Variants in ADCY8 observed in about 807,000 individuals in gnomAD.
The protein encoded by ADCY8 is adenylate cyclase 8.
Under a neutral mutation model 119.7 loss-of-function variants are expected in ADCY8, and 51 were observed. That is an observed-to-expected ratio of 0.43 (90% CI 0.34 to 0.54). The LOEUF (loss-of-function observed/expected upper bound fraction) is 0.54. Among genes scored for constraint, ADCY8 ranks in the 20% least tolerant of loss-of-function variants. The pLI is 0.03. For missense variants in ADCY8, 1,383 were observed against 1,598.8 expected (o/e 0.87, Z 2.30); for synonymous variants, 665 against 651.0 (o/e 1.02, Z -0.33).
At chr8:130,943,241 T>C (rs1821009306) in intron 4 of ADCY8, 110 bp downstream of exon 4, 6 of 743,776 alleles carry the variant, frequency 8.1e-6, no homozygotes, top group Non-Finnish European at 1.4e-5. Flanking sequence ...AGGGACAGGA[T>C]GCAGAATGGT....
chr8:130,907,028 C>G (rs1819810586), intron 6 of ADCY8, among the ~76,000 whole-genome samples: 2 of 151,992 alleles, frequency 1.3e-5, no homozygotes, highest in Admixed American at 1.3e-4. Flanking sequence ...CTCTCTACCA[C>G]CCTGGAACTG....
At chr8:130,856,808 G>A (rs1201388734) in intron 9 of ADCY8, among the ~76,000 whole-genome samples, 2 of 151,832 alleles carry the variant, frequency 1.3e-5, no homozygotes, top group African/African-American at 4.8e-5. Flanking sequence ...CAGGAGGGCA[G>A]GGATTTTGTT....
Position 130,836,461 on chromosome 8 carries a change from G to A in ADCY8, c.2503-12C>T. 1 of 1,611,370 alleles carries A rather than the reference G, an allele frequency of 6.2e-7. No individual in the cohort carries two copies. Among genetic ancestry groups the A allele is most frequent in the Non-Finnish European group, 8.5e-7 (1 of 1,178,686 alleles). On this transcript the variant is annotated splice_polypyrimidine_tract_variant and intron_variant, in intron 11 of 17. Coordinates refer to ENST00000286355, the MANE Select transcript of ADCY8 (RefSeq NM_001115.3). ...GTGAAGACAAAGTACTGGAAACAGA[G>A]AATGCAGGTGGTCAGATTCAATGGG...
chr8:130,882,769 A>G (rs750504646), intron 8 of ADCY8, among the ~76,000 whole-genome samples: 29 of 152,192 alleles, frequency 1.9e-4, no homozygotes, highest in Non-Finnish European at 3.8e-4. Flanking sequence ...TAAATACCCA[A>G]TGAATGTTAC....
chr8:131,036,737 T>C (rs1344034661), intron 1 of ADCY8, among the ~76,000 whole-genome samples: 1 of 152,194 alleles, frequency 6.6e-6, no homozygotes, highest in Non-Finnish European at 1.5e-5. Flanking sequence ...TTGGGAAAAG[T>C]TGCTCTAGGT....
chr8:130,928,270 C>G (rs568627696), intron 5 of ADCY8, among the ~76,000 whole-genome samples: 1 of 152,206 alleles, frequency 6.6e-6, no homozygotes, highest in South Asian at 2.1e-4. Context: ...TGAGATCTTT[C>G]TATTATTGCT....
chr8:130,848,766 G>T (rs567728528), intron 10 of ADCY8, among the ~76,000 whole-genome samples: 49 of 152,246 alleles, frequency 3.2e-4, no homozygotes, highest in African/African-American at 1.1e-3. Flanking sequence ...CTGAGTCATG[G>T]ACAACACAGA....
At chr8:130,895,464 G>C (rs1819354616) in intron 7 of ADCY8, among the ~76,000 whole-genome samples, 1 of 152,106 alleles carries the variant, frequency 6.6e-6, no homozygotes, top group African/African-American at 2.4e-5. Flanking sequence ...TCAGAGAAAG[G>C]AAGGATGATG....
chr8:130,937,920 C>T (rs1434731203), intron 4 of ADCY8, among the ~76,000 whole-genome samples: 2 of 152,126 alleles, frequency 1.3e-5, no homozygotes, highest in African/African-American at 2.4e-5. Context: ...CTCCATTTCA[C>T]CGGTGAGAAG....
intron 3 of ADCY8, among the ~76,000 whole-genome samples, chr8:130,951,140 A>G (rs1240540195): frequency 1.4e-5 from 2 of 147,440 alleles, no homozygotes; most frequent in Non-Finnish European, 3.0e-5. Flanking sequence ...ATTCACTTAT[A>G]TGATCCACAT....
intron 3 of ADCY8, among the ~76,000 whole-genome samples, chr8:130,947,582 T>C (rs1169998188): frequency 6.6e-6 from 1 of 152,202 alleles, no homozygotes; most frequent in Non-Finnish European, 1.5e-5. Flanking sequence ...AGGACAGATG[T>C]AGTGATCACA....
chr8:130,845,653 A>T (rs574511083), intron 11 of ADCY8, among the ~76,000 whole-genome samples: 1 of 152,268 alleles, frequency 6.6e-6, no homozygotes, highest in South Asian at 2.1e-4. Context: ...GACTCCACTC[A>T]TTCCTAGGTA....
At chr8:130,893,256 T>C (rs958240620) in intron 7 of ADCY8, among the ~76,000 whole-genome samples, 2 of 152,130 alleles carry the variant, frequency 1.3e-5, no homozygotes, top group East Asian at 1.9e-4. Context: ...GGAACAGATA[T>C]GCAAACTCCA....
rs527255410 is a variant in ADCY8, at chr8:131,034,010, A to G, written c.960+5364T>C. Among the ~76,000 whole-genome samples the G allele has an allele frequency of 6.6e-5, 10 of 152,212 alleles. 1 individual carries two copies. Among genetic ancestry groups the G allele is most frequent in the African/African-American group, 2.2e-4 (9 of 41,544 alleles). Reference sequence around the variant, plus strand: ...GCCTATATGAATTTCCTAAAGAAAAATGTACAGAAATGGAGATATTTGGGG... The same window carrying G: ...GCCTATATGAATTTCCTAAAGAAAAGTGTACAGAAATGGAGATATTTGGGG... On this transcript the variant is annotated intron_variant, in intron 1 of 17. Coordinates refer to ENST00000286355, the MANE Select transcript of ADCY8 (RefSeq NM_001115.3).
chr8:130,796,423 C>A (rs1586421485), intron 15 of ADCY8, among the ~76,000 whole-genome samples: 1 of 152,212 alleles, frequency 6.6e-6, no homozygotes, highest in South Asian at 2.1e-4. Context: ...CAAACACAGT[C>A]TTGGAGATGT....
intron 1 of ADCY8, among the ~76,000 whole-genome samples, chr8:131,033,986 C>G (rs951876016): frequency 6.6e-6 from 1 of 151,268 alleles, no homozygotes; most frequent in African/African-American, 2.4e-5. Context: ...TTTTTTAAAG[C>G]CTATATGAAT....
At chr8:130,969,112 G>T (rs1821848503) in intron 2 of ADCY8, among the ~76,000 whole-genome samples, 1 of 152,232 alleles carries the variant, frequency 6.6e-6, no homozygotes, top group East Asian at 1.9e-4. Context: ...TGTTATTCTG[G>T]ATGTTTCTGT....
intron 1 of ADCY8, among the ~76,000 whole-genome samples, chr8:131,015,067 A>G (rs913759645): frequency 6.6e-6 from 1 of 152,200 alleles, no homozygotes; most frequent in Non-Finnish European, 1.5e-5. Flanking sequence ...TGGGTTAGAC[A>G]TAGGCCTCTA....
At chr8:130,782,826 AG>A (rs1815126881) in intron 17 of ADCY8, among the ~76,000 whole-genome samples, 1 of 152,342 alleles carries the variant, frequency 6.6e-6, no homozygotes, top group South Asian at 2.1e-4. Flanking sequence ...TTTTCTTGAA[AG>A]CTGCTAAGGG....
Sources: allele counts gnomAD v4.1 joint callset (sites outside exome capture counted in the v4.1 genomes callset), GRCh38; gene constraint gnomAD v4.1.1; transcripts MANE v1.5; gene names NCBI Gene and HGNC (gene_info 2026-07-23, HGNC 2026-07-21).